NBDY: variants seen among roughly 807,000 people sequenced by gnomAD.
NBDY encodes the protein negative regulator of P-body association, also known as P-body dissociating protein.
At chrX:56,731,514 T>C (rs1357083785) in intron 1 of NBDY, among the ~76,000 whole-genome samples, 2 of 109,212 alleles carry the variant, frequency 1.8e-5, no homozygotes, top group East Asian at 5.7e-4. Flanking sequence ...GAGATTGCAG[T>C]GAGCCGAGAT....
intron 2 of NBDY, among the ~76,000 whole-genome samples, chrX:56,744,496 C>T (rs2069546843): frequency 9.0e-6 from 1 of 111,242 alleles, no homozygotes; most frequent in African/African-American, 3.3e-5. Flanking sequence ...TCACTTTTTT[C>T]TTTCTTTTAT....
intron 2 of NBDY, among the ~76,000 whole-genome samples, chrX:56,797,099 CTTT>C (rs2069796001): frequency 1.8e-5 from 2 of 109,209 alleles, no homozygotes; most frequent in African/African-American, 6.7e-5. Flanking sequence ...CCTTCTTCTT[CTTT>C]TTCTTTCCCT....
rs754665622 is a variant in NBDY at position 56,731,626 on chromosome X, A to G, written c.*30-437A>G. ...TAAAAAGGAAAAAGAAAAGAAAACAAAAGAACAAAACAATAAGTGCAGTAG... is the reference window on the plus strand; with the variant it reads ...TAAAAAGGAAAAAGAAAAGAAAACAGAAGAACAAAACAATAAGTGCAGTAG... On this transcript the variant is annotated intron_variant, in intron 1 of 2. Transcript: ENST00000374922. Among the ~76,000 whole-genome samples the G allele has an allele frequency of 4.5e-5, 5 of 111,516 alleles. No individual in the cohort carries two copies. The South Asian group carries it at 1.9e-3, about 42-fold the overall frequency.
chrX:56,765,217 C>T (rs754862281), intron 2 of NBDY, among the ~76,000 whole-genome samples: 8 of 112,055 alleles, frequency 7.1e-5, no homozygotes, highest in South Asian at 7.5e-4. Flanking sequence ...GAGAAATTGG[C>T]GTTTCCCTCT....
chrX:56,764,719 A>AAG (rs1569287626), intron 2 of NBDY, among the ~76,000 whole-genome samples: 1 of 108,792 alleles, frequency 9.2e-6, no homozygotes, highest in Non-Finnish European at 1.9e-5. Flanking sequence ...AAAAAAAAAA[A>AAG]AAAGAAACTG....
In NBDY at chrX:56,818,166, TAAAC is replaced by T. The variant is rs2069919355; in HGVS notation, c.*1015_*1018del. 9.0e-6 allele frequency: 1 copy of T among 111,731 alleles called. No individual in the cohort carries two copies. The highest frequency in any genetic ancestry group is 4.8e-3 in the Middle Eastern group (1 of 208). 9.2% of individuals were successfully genotyped at this position (111,731 alleles called of 1,213,427 possible). A position where few individuals can be genotyped will look rare whatever the true frequency, so the allele number is the denominator to read the frequency against. The stretch of plus-strand genomic sequence containing the variant: ...ACCTTTGAATTGTAATAATAAAAGA[TAAAC>T]AGACTTGAAAGCATATATTATATCT... On this transcript the variant is annotated 3_prime_UTR_variant, in exon 3 of 3. Coordinates refer to ENST00000374922, the MANE Select transcript of NBDY (RefSeq NM_001348129.2).
chrX:56,799,048 G>A (rs1208808784), intron 2 of NBDY, among the ~76,000 whole-genome samples: 3 of 111,922 alleles, frequency 2.7e-5, no homozygotes, highest in South Asian at 3.7e-4. Context: ...AGGAACGCTC[G>A]GGAGTGCCAG....
intron 2 of NBDY, among the ~76,000 whole-genome samples, chrX:56,736,278 CT>C (rs765530149): frequency 9.0e-6 from 1 of 111,246 alleles, no homozygotes; most frequent in Non-Finnish European, 1.9e-5. Context: ...CTATTTTTTT[CT>C]TTTTTTTGAG....
intron 2 of NBDY, among the ~76,000 whole-genome samples, chrX:56,785,393 C>T (rs1476188161): frequency 9.0e-6 from 1 of 110,717 alleles, no homozygotes; most frequent in Non-Finnish European, 1.9e-5. Context: ...CAACTTTTTC[C>T]CATCTTCATC....
intron 1 of NBDY, among the ~76,000 whole-genome samples, chrX:56,731,285 G>C (rs747738749): frequency 1.4e-4 from 15 of 109,501 alleles, no homozygotes; most frequent in Non-Finnish European, 2.1e-4. Flanking sequence ...GCAGCCGGGC[G>C]CAGTGGCTCA....
chrX:56,789,089 C>T (rs1031256335), intron 2 of NBDY, among the ~76,000 whole-genome samples: 6 of 112,979 alleles, frequency 5.3e-5, no homozygotes, highest in Non-Finnish European at 9.4e-5. Context: ...CCCACCTTGC[C>T]TTGTCTTTCT....
chrX:56,731,163 C>G (rs995331061), intron 1 of NBDY, among the ~76,000 whole-genome samples: 1 of 110,821 alleles, frequency 9.0e-6, no homozygotes, highest in African/African-American at 3.3e-5. Context: ...AAAGCATCTC[C>G]CTGTCATTCC....
At chrX:56,755,033 A>G (rs1442694742) in intron 2 of NBDY, among the ~76,000 whole-genome samples, 1 of 111,738 alleles carries the variant, frequency 8.9e-6, no homozygotes, top group Admixed American at 9.5e-5. Flanking sequence ...AAAACAAGAA[A>G]TGGGGAAACA....
At chrX:56,791,946 C>G (rs1409034476) in intron 2 of NBDY, among the ~76,000 whole-genome samples, 1 of 109,340 alleles carries the variant, frequency 9.1e-6, no homozygotes, top group Non-Finnish European at 1.9e-5. Flanking sequence ...TCTCCTTCTT[C>G]TTCGTCCTCC....
chrX:56,745,648 G>T (rs1344252137), intron 2 of NBDY, among the ~76,000 whole-genome samples: 1 of 110,521 alleles, frequency 9.0e-6, no homozygotes, highest in Non-Finnish European at 1.9e-5. Flanking sequence ...ATTTGTTTTG[G>T]TCCAGGATCC....
chrX:56,743,835 G>A lies in NBDY; in HGVS notation c.*166+11636G>A, dbSNP rs765135889. Reference sequence around the variant, plus strand: ...TTTTCTTCCTCTAATTTTGAGTTTAGTTTTCTCTTGCTTTTCTAGTTCTTT... The same window carrying A: ...TTTTCTTCCTCTAATTTTGAGTTTAATTTTCTCTTGCTTTTCTAGTTCTTT... On this transcript the variant is annotated intron_variant, in intron 2 of 2. Coordinates refer to ENST00000374922, the MANE Select transcript of NBDY (RefSeq NM_001348129.2). 9.2e-5 allele frequency among the ~76,000 whole-genome samples: 10 copies of A among 109,198 alleles called. No individual in the cohort carries two copies. The South Asian group carries it at 3.8e-3, about 42-fold the overall frequency. 94.8% of individuals were successfully genotyped at this position (109,198 alleles called of 115,157 possible).
At chrX:56,745,430 C>T (rs1487837581) in intron 2 of NBDY, among the ~76,000 whole-genome samples, 1 of 110,186 alleles carries the variant, frequency 9.1e-6, no homozygotes, top group Non-Finnish European at 1.9e-5. Context: ...TGTATATATA[C>T]ATACACAGAT....
intron 2 of NBDY, among the ~76,000 whole-genome samples, chrX:56,739,264 G>GTATATATATATATATATATA (rs59220932): frequency 3.0e-4 from 9 of 30,391 alleles, no homozygotes; most frequent in Non-Finnish European, 4.6e-4. Context: ...ATATATATAT[G>GTATATATATATATATATATA]TATGTATATA....
At chrX:56,800,598 A>G (rs886797839) in intron 2 of NBDY, among the ~76,000 whole-genome samples, 1 of 111,557 alleles carries the variant, frequency 9.0e-6, no homozygotes, top group African/African-American at 3.3e-5. Flanking sequence ...TTGGGCAGCC[A>G]CCTTTCCACC....
Sources: gnomAD v4.1 joint callset for allele counts (sites outside exome capture counted in the v4.1 genomes callset) on GRCh38, gnomAD v4.1.1 for gene constraint, MANE v1.5 for transcripts, NCBI Gene and HGNC (gene_info 2026-07-23, HGNC 2026-07-21) for gene names.